Variants in RSPH10B2 observed in about 807,000 individuals in gnomAD.
RSPH10B2 encodes the protein radial spoke head 10 homolog B2, also known as radial spoke head 10 homolog B2 (Chlamydomonas).
RSPH10B2 carries 9 observed loss-of-function variants against 49.0 expected under a neutral mutation model. That is an observed-to-expected ratio of 0.18 (90% CI 0.11 to 0.32). The LOEUF is 0.32. RSPH10B2 is among the 10% of genes least tolerant of loss of function. The pLI is 1.00. For missense variants in RSPH10B2, 95 were observed against 589.9 expected, an observed-to-expected ratio of 0.16 and a Z score of 8.69; for synonymous variants, 35 against 210.2, an observed-to-expected ratio of 0.17 and a Z score of 7.21.
At chr7:6,776,928 A>ACACACACACACAC (rs773659785) in intron 10 of RSPH10B2, among the ~76,000 whole-genome samples, 3 of 115,272 alleles carry the variant, frequency 2.6e-5, no homozygotes. Context: ...CACACACACA[A>ACACACACACACAC]AAGGCAGGGG....
chr7:6,764,806 G>A (rs1781406560), intron 4 of RSPH10B2, among the ~76,000 whole-genome samples: 1 of 145,372 alleles, frequency 6.9e-6, no homozygotes, highest in African/African-American at 2.5e-5. Flanking sequence ...AGCAGCATCT[G>A]CATGGCTGCA....
At position 6,797,112 on chromosome 7, in the gene RSPH10B2, G is replaced by A. The variant is rs1324685427; in HGVS notation, c.2432+346G>A. On this transcript the variant is annotated intron_variant, in intron 18 of 18. Transcript: ENST00000297186. ...CAACCTCCGCCTCCCGGGTTCAAGC[G>A]ATTCTCTTGCCTCAGCCTCCCGAGT... is the stretch of plus-strand genomic sequence containing the variant. Among the ~76,000 whole-genome samples the A allele has an allele frequency of 6.4e-4, 91 of 142,234 alleles. 4 individuals carry two copies. Among genetic ancestry groups the A allele is most frequent in the African/African-American group, 2.1e-3 (84 of 39,384 alleles). The allele number at this position is 142,234 out of a possible 152,430, so 93.3% of individuals were successfully genotyped here.
chr7:6,763,882 AC>A (rs533240117), intron 3 of RSPH10B2, 45 bp from the exon 6 acceptor site: 5 of 1,482,036 alleles, frequency 3.4e-6, no homozygotes, highest in Admixed American at 1.7e-5. Flanking sequence ...TCCCGCCCCC[AC>A]CCCCCAACGC....
chr7:6,756,400 T>TG (rs1183385256), upstream of RSPH10B2, among the ~76,000 whole-genome samples: 2 of 67,220 alleles, frequency 3.0e-5, no homozygotes, highest in Admixed American at 1.6e-4. Context: ...TGTTTTGTTT[T>TG]TTTTGAGACA....
At chr7:6,774,745 C>CTTT (rs1156492670) in intron 9 of RSPH10B2, among the ~76,000 whole-genome samples, 1 of 91,854 alleles carries the variant, frequency 1.1e-5, no homozygotes, top group African/African-American at 3.8e-5. Flanking sequence ...GCTATATTAT[C>CTTT]TTTTTTTTTG....
intron 18 of RSPH10B2, among the ~76,000 whole-genome samples, chr7:6,797,623 G>T (rs1221035327): frequency 9.8e-5 from 15 of 152,290 alleles, no homozygotes; most frequent in African/African-American, 2.9e-4. Flanking sequence ...CATTTTGGGG[G>T]GCCAAGGCAG....
chr7:6,793,953 T>G (rs1430567817), intron 17 of RSPH10B2, among the ~76,000 whole-genome samples: 41 of 151,898 alleles, frequency 2.7e-4, no homozygotes, highest in African/African-American at 9.9e-4. Flanking sequence ...GTGTACATGC[T>G]CACCTTTGCT....
intron 1 of RSPH10B2, among the ~76,000 whole-genome samples, chr7:6,758,428 G>C (rs1781153259): frequency 6.8e-6 from 1 of 147,140 alleles, no homozygotes; most frequent in African/African-American, 2.5e-5. Flanking sequence ...ACAGCCCCAT[G>C]GCGTGTGTAT....
chr7:6,783,205 AT>A (rs1337474914), intron 13 of RSPH10B2, among the ~76,000 whole-genome samples: 1 of 112,616 alleles, frequency 8.9e-6, no homozygotes, highest in African/African-American at 3.9e-5. Flanking sequence ...TAATTTTTGT[AT>A]TTTTTAGTAG....
chr7:6,764,718 G>A (rs1217680066), intron 4 of RSPH10B2, among the ~76,000 whole-genome samples: 1 of 151,256 alleles, frequency 6.6e-6, no homozygotes, highest in Non-Finnish European at 1.5e-5. Context: ...TTGTGTGTGT[G>A]TGTGTGTGTG....
At chr7:6,755,953 AAAAC>A (rs1176552763), upstream of RSPH10B2, among the ~76,000 whole-genome samples, 7 of 141,690 alleles carry the variant, frequency 4.9e-5, no homozygotes, top group South Asian at 4.4e-4. Flanking sequence ...AAAAAAAAAA[AAAAC>A]AAACCCAAAA....
intron 18 of RSPH10B2, chr7:6,797,090 C>A: frequency 3.0e-6 from 1 of 328,908 alleles, no homozygotes; most frequent in East Asian, 7.7e-5. Context: ...CTCACTGCAA[C>A]CTCCGCCTCC....
rs1254488428 is a variant in RSPH10B2 at position 6,786,755 on chromosome 7, CTG to C, written c.1867-112_1867-111del. 6.1e-4 allele frequency: 666 copies of C among 1,091,762 alleles called. 5 individuals are homozygous for C. The highest frequency in any genetic ancestry group is 1.7e-3 in the Admixed American group (87 of 51,726). 67.6% of individuals were successfully genotyped at this position (1,091,762 alleles called of 1,614,324 possible). A position where few individuals can be genotyped will look rare whatever the true frequency, so the allele number is the denominator to read the frequency against. ...TGTCTTTGTGCACATGTCTGCATGT[CTG>C]TGTGTGTGTGGGCAAACGTGCATAT... is the stretch of plus-strand genomic sequence containing the variant. On this transcript the variant is annotated intron_variant, in intron 14 of 18. Coordinates refer to ENST00000297186, the Ensembl canonical transcript of RSPH10B2.
At chr7:6,785,782 G>A (rs1314561127) in intron 13 of RSPH10B2, among the ~76,000 whole-genome samples, 167 bp from the exon 16 acceptor site, 3 of 151,568 alleles carry the variant, frequency 2.0e-5, no homozygotes, top group South Asian at 4.2e-4. Flanking sequence ...CTGAGATTGC[G>A]CCACTGCCTA....
intron 7 of RSPH10B2, among the ~76,000 whole-genome samples, chr7:6,770,530 G>A (rs1191918800): frequency 7.5e-6 from 1 of 133,342 alleles, no homozygotes; most frequent in Non-Finnish European, 1.7e-5. Flanking sequence ...AGAATTGCTT[G>A]AACCCAGGAG....
At chr7:6,757,894 T>A in exon 1 of RSPH10B2, 1 of 1,573,878 alleles carries the variant, frequency 6.4e-7, no homozygotes, top group African/African-American at 1.4e-5. Context: ...TGCCAGCCAA[T>A]ACGAAGAGTC....
At position 6,780,747 on chromosome 7, in the gene RSPH10B2, G is replaced by T. The variant is rs1781901952; in HGVS notation, c.1530-62G>T. 7.7e-6 allele frequency: 10 copies of T among 1,299,462 alleles called. 3 individuals carry two copies. Among genetic ancestry groups the T allele is most frequent in the Non-Finnish European group, 1.0e-5 (10 of 989,366 alleles). The allele number at this position is 1,299,462 out of a possible 1,614,324, so 80.5% of individuals were successfully genotyped here. A position where few individuals can be genotyped will look rare whatever the true frequency, so the allele number is the denominator to read the frequency against. On this transcript the variant is annotated intron_variant, in intron 11 of 18. Coordinates refer to ENST00000297186, the Ensembl canonical transcript of RSPH10B2. ...AAGTCTAGCCCGTGCTCAAGGAGAAGGGAATTATGTTCCCTCTTTTGGAGG... is the reference window on the plus strand; with the variant it reads ...AAGTCTAGCCCGTGCTCAAGGAGAATGGAATTATGTTCCCTCTTTTGGAGG...
upstream of RSPH10B2, among the ~76,000 whole-genome samples, chr7:6,756,182 A>G (rs1351691277): frequency 3.5e-5 from 5 of 143,322 alleles, no homozygotes; most frequent in Non-Finnish European, 7.6e-5. Context: ...AGGCAGGAGA[A>G]TGGCATGAAC....
At chr7:6,794,362 C>A (rs1275250448) in intron 17 of RSPH10B2, 3 of 151,440 alleles carry the variant, frequency 2.0e-5, no homozygotes, top group African/African-American at 7.3e-5. Context: ...TCAGGAAAAG[C>A]GTCAGCTTCT....
Sources: gnomAD v4.1 joint callset for allele counts (sites outside exome capture counted in the v4.1 genomes callset) on GRCh38, gnomAD v4.1.1 for gene constraint, MANE v1.5 for transcripts, NCBI Gene and HGNC (gene_info 2026-07-23, HGNC 2026-07-21) for gene names.